The following CPPED1 variants were observed in gnomAD, a reference collection of about 807,000 sequenced individuals.
CPPED1 encodes the protein serine/threonine-protein phosphatase CPPED1.
CPPED1 carries 28 observed loss-of-function variants against 28.0 expected under a neutral mutation model. That is an observed-to-expected ratio of 1.00 (90% CI 0.74 to 1.37). CPPED1 has a LOEUF of 1.37. Ranked by LOEUF, CPPED1 falls within the 40% of genes most tolerant of loss-of-function variation. The pLI is 0.00. For missense variants in CPPED1, 504 were observed against 416.5 expected (o/e 1.21, Z -1.83); for synonymous variants, 198 against 180.2 (o/e 1.10, Z -0.79).
At chr16:12,731,344 G>A (rs1031831809) in intron 2 of CPPED1, among the ~76,000 whole-genome samples, 34 of 150,478 alleles carry the variant, frequency 2.3e-4, no homozygotes, top group African/African-American at 8.3e-4. Flanking sequence ...TAGTAGAGAC[G>A]GGGTTTCACT....
At chr16:12,697,985 C>G (rs980579379) in intron 3 of CPPED1, among the ~76,000 whole-genome samples, 4 of 152,022 alleles carry the variant, frequency 2.6e-5, no homozygotes, top group South Asian at 4.2e-4. Context: ...TGGCGTGTGC[C>G]TGTAATCCCA....
chr16:12,743,021 G>C (rs1391355979), intron 2 of CPPED1, among the ~76,000 whole-genome samples: 1 of 152,182 alleles, frequency 6.6e-6, no homozygotes, highest in Non-Finnish European at 1.5e-5. Context: ...CCAGCACCCA[G>C]GGCTGTTGTT....
At chr16:12,800,140 A>C (rs1010146646) in intron 1 of CPPED1, among the ~76,000 whole-genome samples, 5 of 152,088 alleles carry the variant, frequency 3.3e-5, no homozygotes, top group African/African-American at 1.2e-4. Flanking sequence ...TACAGCAAAT[A>C]AACACATTCA....
intron 3 of CPPED1, among the ~76,000 whole-genome samples, chr16:12,685,125 C>T (rs1044181844): frequency 5.9e-5 from 9 of 152,218 alleles, no homozygotes; most frequent in African/African-American, 1.4e-4. Flanking sequence ...CCTCGCTGTA[C>T]ATTGTTTCTT....
intron 3 of CPPED1, among the ~76,000 whole-genome samples, chr16:12,689,508 G>A (rs1051395862): frequency 6.6e-6 from 1 of 151,640 alleles, no homozygotes; most frequent in Admixed American, 6.6e-5. Flanking sequence ...GGGATTACAC[G>A]TGAGAGCCAC....
chr16:12,724,441 T>A (rs2080158557), intron 2 of CPPED1, among the ~76,000 whole-genome samples: 3 of 152,190 alleles, frequency 2.0e-5, no homozygotes, highest in Admixed American at 2.0e-4. Context: ...GAGTGGCCCG[T>A]GCAATCCATT....
intron 2 of CPPED1, among the ~76,000 whole-genome samples, chr16:12,739,692 C>T (rs2080244310): frequency 6.6e-6 from 1 of 152,118 alleles, no homozygotes; most frequent in African/African-American, 2.4e-5. Context: ...ATTTTTGCCT[C>T]TAGTATAGAG....
chr16:12,800,123 C>T (rs1393336628), intron 1 of CPPED1, among the ~76,000 whole-genome samples: 1 of 152,138 alleles, frequency 6.6e-6, no homozygotes, highest in Admixed American at 6.6e-5. Context: ...CAATAGGCAC[C>T]TCCAGCTACA....
chr16:12,803,229 T>C (rs901678738), intron 1 of CPPED1, among the ~76,000 whole-genome samples: 13 of 152,236 alleles, frequency 8.5e-5, no homozygotes, highest in Non-Finnish European at 2.9e-5. Context: ...TTTCGGTGAA[T>C]GACTTAAATA....
chr16:12,677,858 A>G (rs150815913), intron 3 of CPPED1, among the ~76,000 whole-genome samples: 1 of 152,354 alleles, frequency 6.6e-6, no homozygotes, highest in African/African-American at 2.4e-5. Flanking sequence ...AACATTTTCC[A>G]GAAAGGTCTG....
chr16:12,668,620 A>G (rs1319059597), intron 3 of CPPED1, among the ~76,000 whole-genome samples: 6 of 152,240 alleles, frequency 3.9e-5, no homozygotes, highest in South Asian at 2.1e-4. Context: ...CAGAAAACAT[A>G]AAGAGCTTTT....
At chr16:12,797,208 A>T (rs2080632625) in intron 1 of CPPED1, among the ~76,000 whole-genome samples, 1 of 152,168 alleles carries the variant, frequency 6.6e-6, no homozygotes, top group East Asian at 1.9e-4. Flanking sequence ...TTGAGTTGTA[A>T]ACTTAAAATG....
chr16:12,798,605 T>C (rs1006099805), intron 1 of CPPED1, among the ~76,000 whole-genome samples: 5 of 152,218 alleles, frequency 3.3e-5, no homozygotes, highest in South Asian at 2.1e-4. Flanking sequence ...GAATGAAATG[T>C]CTGGGAAAAT....
chr16:12,769,765 G>A (rs1292439772), intron 2 of CPPED1, among the ~76,000 whole-genome samples: 1 of 152,070 alleles, frequency 6.6e-6, no homozygotes, highest in African/African-American at 2.4e-5. Flanking sequence ...TCTGAGCACA[G>A]ACAGCCCCGG....
rs1369022264 is a variant in CPPED1 at position 12,682,869 on chromosome 16, T to C, written c.716-17754A>G. ...GTGAAATGGAGCGTGGGGCCCACATTAAGGTTTCAATCCAGAATGGACAAT... is the reference window on the plus strand; with the variant it reads ...GTGAAATGGAGCGTGGGGCCCACATCAAGGTTTCAATCCAGAATGGACAAT... On this transcript the variant is annotated intron_variant, in intron 3 of 3. Coordinates refer to ENST00000381774, the MANE Select transcript of CPPED1 (RefSeq NM_018340.3). This position sits in a 1 kb window ranked among gnomAD's most constrained non-coding sequence, Gnocchi z 6.1. Among the ~76,000 whole-genome samples the C allele has an allele frequency of 6.6e-6, 1 of 152,220 alleles. No individual in the cohort carries two copies.
At chr16:12,710,841 G>C (rs2080076213) in intron 2 of CPPED1, among the ~76,000 whole-genome samples, 1 of 152,190 alleles carries the variant, frequency 6.6e-6, no homozygotes. Context: ...AAAATAACAG[G>C]TATTGGTGAG....
intron 3 of CPPED1, among the ~76,000 whole-genome samples, chr16:12,686,242 T>A (rs34319599): frequency 8.9e-6 from 1 of 112,562 alleles, no homozygotes; most frequent in African/African-American, 3.4e-5. Context: ...TATATATATA[T>A]TTTTTTTTTT....
chr16:12,768,125 A>T (rs908097509), intron 2 of CPPED1, among the ~76,000 whole-genome samples: 1 of 152,154 alleles, frequency 6.6e-6, no homozygotes, highest in African/African-American at 2.4e-5. Flanking sequence ...CTCTGGCTGA[A>T]CCTTCAACTG....
At chr16:12,718,999 G>C (rs1176902703) in intron 2 of CPPED1, among the ~76,000 whole-genome samples, 2 of 151,984 alleles carry the variant, frequency 1.3e-5, no homozygotes, top group Non-Finnish European at 2.9e-5. Context: ...CATGTGGCTG[G>C]GGAGGCCTCA....
Sources: gnomAD v4.1 joint callset for allele counts (sites outside exome capture counted in the v4.1 genomes callset) on GRCh38, gnomAD v4.1.1 for gene constraint, Gnocchi (gnomAD v3.1) non-coding constraint, MANE v1.5 for transcripts, NCBI Gene and HGNC (gene_info 2026-07-23, HGNC 2026-07-21) for gene names.